CAV1: variants seen among roughly 807,000 people sequenced by gnomAD.
CAV1 encodes the protein caveolin 1.
In CAV1, 10 loss-of-function variants were observed where a neutral mutation model predicts 16.5. That is an observed-to-expected ratio of 0.61 (90% CI 0.37 to 1.03). The LOEUF (loss-of-function observed/expected upper bound fraction) is 1.03. Among genes scored for constraint, CAV1 ranks in the 50% least tolerant of loss-of-function variants. CAV1 has a pLI of 0.01. For missense variants in CAV1, 212 were observed against 232.8 expected (o/e 0.91, Z 0.58); for synonymous variants, 76 against 85.1 (o/e 0.89, Z 0.59).
chr7:116,526,261 G>C (rs1345262470), intron 1 of CAV1: 1 of 1,242,604 alleles, frequency 8.0e-7, no homozygotes, highest in East Asian at 4.4e-5. Flanking sequence ...CCTGACCCCT[G>C]GCGGCGGGCG....
In CAV1 at chr7:116,555,493, AAAG is replaced by A. The variant is rs1562837967; in HGVS notation, c.196-3450_196-3448del. ...GAAGGAAGGAGGAAAGAAAAGAAAG[AAAG>A]AAAGAAAGAAAGAAAGAAAGAAAGA... On this transcript the variant is annotated intron_variant, in intron 2 of 2. Coordinates refer to ENST00000341049, the MANE Select transcript of CAV1 (RefSeq NM_001753.5). 4.0e-3 allele frequency among the ~76,000 whole-genome samples: 98 copies of A among 24,766 alleles called. 13 individuals are homozygous for A. Among genetic ancestry groups the A allele is most frequent in the Middle Eastern group, 0.042 (2 of 48 alleles). 16.2% of individuals were successfully genotyped at this position (24,766 alleles called of 152,430 possible).
At chr7:116,546,132 A>G (rs1215262010) in intron 2 of CAV1, among the ~76,000 whole-genome samples, 2 of 152,124 alleles carry the variant, frequency 1.3e-5, no homozygotes, top group African/African-American at 4.8e-5. Context: ...TCTGTGGCCT[A>G]TTTTTATACT....
chr7:116,525,126 T>G, intron 1 of CAV1, 34 bp downstream of exon 1: 2 of 1,614,040 alleles, frequency 1.2e-6, no homozygotes. Flanking sequence ...GGCTCGGGCG[T>G]GCGGGGAGTG....
chr7:116,532,673 A>T (rs1470209490), intron 2 of CAV1, among the ~76,000 whole-genome samples: 1 of 152,244 alleles, frequency 6.6e-6, no homozygotes, highest in Admixed American at 6.5e-5. Flanking sequence ...TGCCTAACAC[A>T]TAGATGCTCA....
intron 2 of CAV1, among the ~76,000 whole-genome samples, chr7:116,557,882 C>T (rs1050823086): frequency 8.5e-5 from 13 of 152,108 alleles, no homozygotes; most frequent in Non-Finnish European, 1.8e-4. Context: ...TCCCCTGCTC[C>T]CACATCTTCC....
intron 2 of CAV1, among the ~76,000 whole-genome samples, chr7:116,548,123 C>T (rs1484747469): frequency 6.6e-6 from 1 of 152,180 alleles, no homozygotes; most frequent in Non-Finnish European, 1.5e-5. Flanking sequence ...CCCAGACCAG[C>T]TGCATCAAAA....
chr7:116,525,410 T>G, intron 1 of CAV1: 1 of 1,444,266 alleles, frequency 6.9e-7, no homozygotes, highest in Non-Finnish European at 9.2e-7. Flanking sequence ...GATGCTCCCT[T>G]GTCGCGGGAC....
intron 2 of CAV1, among the ~76,000 whole-genome samples, chr7:116,533,800 G>T (rs1463981774): frequency 6.6e-6 from 1 of 152,040 alleles, no homozygotes; most frequent in African/African-American, 2.4e-5. Context: ...CCTTAAAATT[G>T]TTTCTGGGCA....
intron 2 of CAV1, among the ~76,000 whole-genome samples, chr7:116,539,035 C>T (rs1332129928): frequency 6.6e-6 from 1 of 152,110 alleles, no homozygotes; most frequent in East Asian, 1.9e-4. Flanking sequence ...CACAGCCAAA[C>T]CATATCAGGC....
intron 1 of CAV1, chr7:116,526,287 C>A: frequency 7.6e-7 from 1 of 1,310,704 alleles, no homozygotes; most frequent in South Asian, 1.5e-5. Flanking sequence ...GGCAGGCGCG[C>A]CCTGCAGAGT....
chr7:116,526,877 C>A, intron 2 of CAV1, 188 bp downstream of exon 2: 1 of 653,080 alleles, frequency 1.5e-6, no homozygotes, highest in Non-Finnish European at 2.7e-6. Flanking sequence ...AACGTTACAT[C>A]TCCCTTCCCC....
At chr7:116,550,916 T>C (rs1055081230) in intron 2 of CAV1, among the ~76,000 whole-genome samples, 2 of 152,158 alleles carry the variant, frequency 1.3e-5, no homozygotes, top group African/African-American at 4.8e-5. Flanking sequence ...CAAAAGCCTC[T>C]CAAAAAGTAG....
At position 116,560,175 on chromosome 7, in the gene CAV1, G is replaced by A; in HGVS notation, c.*888G>A. Reference sequence around the variant, plus strand: ...CTAGCCCAATGAAATGAATTAAAGTGGACCAATAGGGCTGAGCTCTCTGTG... The same window carrying A: ...CTAGCCCAATGAAATGAATTAAAGTAGACCAATAGGGCTGAGCTCTCTGTG... On this transcript the variant is annotated 3_prime_UTR_variant, in exon 3 of 3. Transcript: ENST00000341049. The A allele has an allele frequency of 4.5e-6, 1 of 223,800 alleles. No individual in the cohort carries two copies. The allele number at this position is 223,800 out of a possible 1,614,324, so 13.9% of individuals were successfully genotyped here. A position where few individuals can be genotyped will look rare whatever the true frequency, so the allele number is the denominator to read the frequency against.
At position 116,555,481 on chromosome 7, in the gene CAV1, A is replaced by AGG. The variant is rs1372829997; in HGVS notation, c.196-3465_196-3464insGG. On this transcript the variant is annotated intron_variant, in intron 2 of 2. Transcript: ENST00000341049. ...GAAGGAAGGAAGGAAGGAAGGAGGA[A>AGG]AGAAAAGAAAGAAAGAAAGAAAGAA... 7.0e-4 allele frequency among the ~76,000 whole-genome samples: 12 copies of AGG among 17,122 alleles called. 3 individuals are homozygous for AGG. Among genetic ancestry groups the AGG allele is most frequent in the Middle Eastern group, 0.019 (1 of 54 alleles). 11.2% of individuals were successfully genotyped at this position (17,122 alleles called of 152,430 possible).
chr7:116,538,332 A>G (rs545665456), intron 2 of CAV1, among the ~76,000 whole-genome samples: 1 of 152,368 alleles, frequency 6.6e-6, no homozygotes, highest in African/African-American at 2.4e-5. Flanking sequence ...TTAATAGTGC[A>G]TTTTACAAGG....
intron 2 of CAV1, among the ~76,000 whole-genome samples, chr7:116,541,526 A>G (rs186190214): frequency 1.4e-3 from 212 of 152,276 alleles, no homozygotes; most frequent in Admixed American, 4.6e-3. Flanking sequence ...CAAGGTGGAT[A>G]GATGACTTGA....
intron 2 of CAV1, among the ~76,000 whole-genome samples, chr7:116,541,753 CAAAAA>C (rs5886829): frequency 6.4e-5 from 7 of 109,020 alleles, no homozygotes; most frequent in East Asian, 2.6e-4. Context: ...GAGCCTGCCT[CAAAAA>C]AAAAAAAAAA....
At chr7:116,534,188 A>C (rs532875953) in intron 2 of CAV1, among the ~76,000 whole-genome samples, 1 of 151,766 alleles carries the variant, frequency 6.6e-6, no homozygotes, top group African/African-American at 2.4e-5. Context: ...ACTGAACTCC[A>C]GCCTGGGCGA....
At chr7:116,544,336 G>GA (rs1431171225) in intron 2 of CAV1, among the ~76,000 whole-genome samples, 1 of 152,108 alleles carries the variant, frequency 6.6e-6, no homozygotes, top group East Asian at 1.9e-4. Context: ...AGGAGAAAGA[G>GA]AAAAATATAA....
Sources: allele counts gnomAD v4.1 joint callset (sites outside exome capture counted in the v4.1 genomes callset), GRCh38; gene constraint gnomAD v4.1.1; transcripts MANE v1.5; gene names NCBI Gene and HGNC (gene_info 2026-07-23, HGNC 2026-07-21).